CNTN4: variants seen among roughly 807,000 people sequenced by gnomAD.
The protein encoded by CNTN4 is contactin 4, also known as contactin-4.
In CNTN4, 77 loss-of-function variants were observed where a neutral mutation model predicts 122.5. The ratio of observed to expected loss-of-function variants is 0.63; its 90% confidence interval spans 0.52 to 0.76. The LOEUF is 0.76. CNTN4 is among the 30% of genes least tolerant of loss of function. CNTN4 has a pLI of 0.00. For missense variants in CNTN4, 1,256 were observed against 1,259.1 expected (o/e 1.00, Z 0.04); for synonymous variants, 512 against 447.0 (o/e 1.15, Z -1.83).
At chr3:2,688,177 A>G (rs1205780251) in intron 4 of CNTN4, among the ~76,000 whole-genome samples, 3 of 152,224 alleles carry the variant, frequency 2.0e-5, no homozygotes, top group Non-Finnish European at 4.4e-5. Flanking sequence ...TCTTTATTGC[A>G]GTTGTGTTTG....
Position 2,444,315 on chromosome 3 carries a change from G to A in CNTN4, c.-89+105082G>A, listed in dbSNP as rs146048050. Among the ~76,000 whole-genome samples the A allele has an allele frequency of 2.5e-3, 388 of 152,184 alleles. 2 individuals are homozygous for A. The highest frequency in any genetic ancestry group is 9.0e-3 in the African/African-American group (373 of 41,520). ...CAGAGTAGAAATAGAGAATCACCTA[G>A]GAGAAGAGGCAGTGGCGACATTAGG... On this transcript the variant is annotated intron_variant, in intron 3 of 24. Transcript: ENST00000418658.
chr3:2,613,839 G>A (rs2081600205), intron 4 of CNTN4, among the ~76,000 whole-genome samples: 1 of 151,858 alleles, frequency 6.6e-6, no homozygotes, highest in African/African-American at 2.4e-5. Flanking sequence ...TCTTTCTTAA[G>A]GAAAATGAGC....
intron 3 of CNTN4, among the ~76,000 whole-genome samples, chr3:2,369,596 C>CT (rs910075073): frequency 3.3e-5 from 5 of 152,064 alleles, no homozygotes; most frequent in African/African-American, 1.2e-4. Context: ...CACATAATGG[C>CT]TTTATCATCA....
chr3:2,664,584 A>G (rs996975970), intron 4 of CNTN4, among the ~76,000 whole-genome samples: 1 of 152,312 alleles, frequency 6.6e-6, no homozygotes, highest in East Asian at 1.9e-4. Flanking sequence ...TATATAGTCA[A>G]TATCTAGACT....
intron 4 of CNTN4, among the ~76,000 whole-genome samples, chr3:2,733,841 C>T (rs1034350047): frequency 2.0e-5 from 3 of 152,006 alleles, no homozygotes; most frequent in East Asian, 3.9e-4. Flanking sequence ...GCCATGTCTG[C>T]GTACTTTTAT....
chr3:2,660,547 A>G (rs528891183), intron 4 of CNTN4, among the ~76,000 whole-genome samples: 7 of 152,240 alleles, frequency 4.6e-5, no homozygotes, highest in African/African-American at 9.6e-5. Flanking sequence ...ATTAATTGGC[A>G]TATGTCCAGG....
chr3:2,929,179 G>A (rs554006326), intron 13 of CNTN4, among the ~76,000 whole-genome samples: 7 of 152,288 alleles, frequency 4.6e-5, no homozygotes, highest in Admixed American at 3.3e-4. Context: ...ATTTAAAACA[G>A]GGAAGACCTG....
intron 4 of CNTN4, among the ~76,000 whole-genome samples, chr3:2,714,703 G>A (rs527901637): frequency 6.6e-6 from 1 of 152,136 alleles, no homozygotes; most frequent in Non-Finnish European, 1.5e-5. Flanking sequence ...GTCGGGGTTG[G>A]GAGTGGTATA....
At chr3:2,311,399 T>C (rs962972859) in intron 2 of CNTN4, among the ~76,000 whole-genome samples, 3 of 152,142 alleles carry the variant, frequency 2.0e-5, no homozygotes, top group Admixed American at 2.0e-4. Flanking sequence ...TAAAAATATA[T>C]CAAACAGAAT....
intron 3 of CNTN4, among the ~76,000 whole-genome samples, chr3:2,530,206 A>G (rs1403253128): frequency 6.6e-6 from 1 of 152,110 alleles, no homozygotes; most frequent in East Asian, 1.9e-4. Flanking sequence ...TTCAGCCAAA[A>G]TAAATAAAAT....
At chr3:2,426,556 C>G (rs1453200741) in intron 3 of CNTN4, among the ~76,000 whole-genome samples, 1 of 152,070 alleles carries the variant, frequency 6.6e-6, no homozygotes, top group Non-Finnish European at 1.5e-5. Flanking sequence ...CTCTGCCAAG[C>G]TTTGGTATCA....
chr3:2,929,135 G>A (rs66725465), intron 13 of CNTN4, among the ~76,000 whole-genome samples: 66,417 of 151,954 alleles, frequency 0.44, 14,807 homozygotes, highest in East Asian at 0.68. Flanking sequence ...TGTCTTGTGT[G>A]TGTCTCCAGC....
At chr3:2,629,849 A>G (rs1401089377) in intron 4 of CNTN4, among the ~76,000 whole-genome samples, 3 of 152,158 alleles carry the variant, frequency 2.0e-5, no homozygotes, top group Non-Finnish European at 4.4e-5. Flanking sequence ...GCCACAAACT[A>G]GTATTAATCC....
At chr3:2,461,023 G>T (rs1212185066) in intron 3 of CNTN4, among the ~76,000 whole-genome samples, 1 of 151,262 alleles carries the variant, frequency 6.6e-6, no homozygotes, top group Non-Finnish European at 1.5e-5. Context: ...GTGATGAGTG[G>T]AATTCATCTA....
chr3:2,946,258 T>G (rs545929334), intron 13 of CNTN4, among the ~76,000 whole-genome samples: 1 of 152,244 alleles, frequency 6.6e-6, no homozygotes, highest in East Asian at 1.9e-4. Flanking sequence ...TAGGAGTGTA[T>G]GAGAATCTCA....
At chr3:2,648,590 C>T (rs1263184404) in intron 4 of CNTN4, among the ~76,000 whole-genome samples, 1 of 152,186 alleles carries the variant, frequency 6.6e-6, no homozygotes, top group Admixed American at 6.5e-5. Context: ...GGCTGCCCCA[C>T]TGGCTGGCCT....
At chr3:2,703,931 A>G (rs1000472860) in intron 4 of CNTN4, among the ~76,000 whole-genome samples, 5 of 152,262 alleles carry the variant, frequency 3.3e-5, no homozygotes, top group Non-Finnish European at 7.4e-5. Context: ...GAGTCTAGAA[A>G]ATCTCCATAT....
At chr3:2,417,523 A>G (rs937066402) in intron 3 of CNTN4, among the ~76,000 whole-genome samples, 1 of 152,340 alleles carries the variant, frequency 6.6e-6, no homozygotes, top group Non-Finnish European at 1.5e-5. Flanking sequence ...ATAACCTGCC[A>G]GGAGACCTCT....
At chr3:2,160,011 T>G (rs2035890495) in intron 2 of CNTN4, among the ~76,000 whole-genome samples, 1 of 152,178 alleles carries the variant, frequency 6.6e-6, no homozygotes, top group African/African-American at 2.4e-5. Context: ...GTTTCCTCTC[T>G]GTCTTCCTAA....
Sources: allele counts gnomAD v4.1 joint callset (sites outside exome capture counted in the v4.1 genomes callset), GRCh38; gene constraint gnomAD v4.1.1; transcripts MANE v1.5; gene names NCBI Gene and HGNC (gene_info 2026-07-23, HGNC 2026-07-21).